SPOCK1: variants seen among roughly 807,000 people sequenced by gnomAD.
The protein encoded by SPOCK1 is SPARC (osteonectin), cwcv and kazal like domains proteoglycan 1.
In SPOCK1, 23 loss-of-function variants were observed where a neutral mutation model predicts 55.3. That is an observed-to-expected ratio of 0.42 (90% confidence interval 0.30 to 0.59). The LOEUF (loss-of-function observed/expected upper bound fraction) is 0.59. Among genes scored for constraint, SPOCK1 ranks in the 20% least tolerant of loss-of-function variants. The probability of loss-of-function intolerance (pLI) is 0.22; values close to 1 mark genes in which losing one functional copy is unlikely to be tolerated. For synonymous variants in SPOCK1, 226 were observed against 221.0 expected, an observed-to-expected ratio of 1.02 and a Z score of -0.20; for missense variants, 499 against 552.5, an observed-to-expected ratio of 0.90 and a Z score of 0.97.
At chr5:137,442,947 C>G (rs777760003) in intron 2 of SPOCK1, among the ~76,000 whole-genome samples, 3 of 152,166 alleles carry the variant, frequency 2.0e-5, no homozygotes, top group Non-Finnish European at 4.4e-5. Flanking sequence ...CAGTGGGCCT[C>G]CCTCTCATTG....
At chr5:137,482,102 T>C (rs1753962764) in intron 2 of SPOCK1, among the ~76,000 whole-genome samples, 1 of 152,004 alleles carries the variant, frequency 6.6e-6, no homozygotes, top group African/African-American at 2.4e-5. Context: ...TTGGGAGGAT[T>C]TGAGGAGGGA....
At position 137,256,374 on chromosome 5, in the gene SPOCK1, G is replaced by A. The variant is rs116222363; in HGVS notation, c.232+10636C>T. Among the ~76,000 whole-genome samples, 521 of 152,306 alleles carry A rather than the reference G, an allele frequency of 3.4e-3. 3 individuals carry two copies. Among genetic ancestry groups the A allele is most frequent in the African/African-American group, 0.012 (498 of 41,572 alleles). On this transcript the variant is annotated intron_variant, in intron 3 of 10. Coordinates refer to ENST00000394945, the MANE Select transcript of SPOCK1 (RefSeq NM_004598.4). ...TAGACTGGGTAATTTATAACAAACA[G>A]AAATGTATTTGGCTTATGGTTCTGG...
chr5:137,272,743 C>A (rs1165084523), intron 2 of SPOCK1, among the ~76,000 whole-genome samples: 1 of 97,880 alleles, frequency 1.0e-5, no homozygotes, highest in East Asian at 3.4e-4. Context: ...CACCCCCCCA[C>A]CCCCCAACAC....
chr5:137,017,827 G>A (rs562715938), intron 6 of SPOCK1, among the ~76,000 whole-genome samples: 2 of 152,228 alleles, frequency 1.3e-5, no homozygotes, highest in Admixed American at 6.5e-5. Context: ...TTCTAAAATC[G>A]AGTATAAAAA....
chr5:137,023,776 C>G (rs79894132), intron 6 of SPOCK1, among the ~76,000 whole-genome samples: 87 of 152,162 alleles, frequency 5.7e-4, no homozygotes, highest in Non-Finnish European at 9.6e-4. Context: ...CCTTTATGCT[C>G]TCACAGAAAT....
chr5:137,367,963 C>T (rs1751112245), intron 2 of SPOCK1, among the ~76,000 whole-genome samples: 1 of 152,214 alleles, frequency 6.6e-6, no homozygotes, highest in South Asian at 2.1e-4. Context: ...AGCCCATATG[C>T]TCTCCACACC....
chr5:137,135,677 G>A (rs1394940498), intron 4 of SPOCK1, among the ~76,000 whole-genome samples: 1 of 152,176 alleles, frequency 6.6e-6, no homozygotes, highest in Non-Finnish European at 1.5e-5. Flanking sequence ...CCTGCTTTCT[G>A]TCATCACAGA....
At chr5:137,128,610 C>G (rs1317767463) in intron 4 of SPOCK1, among the ~76,000 whole-genome samples, 1 of 152,206 alleles carries the variant, frequency 6.6e-6, no homozygotes, top group Non-Finnish European at 1.5e-5. Flanking sequence ...GGCAGAGTGG[C>G]TCTTACACAG....
intron 2 of SPOCK1, among the ~76,000 whole-genome samples, chr5:137,484,047 G>A (rs1282426195): frequency 6.6e-6 from 1 of 152,158 alleles, no homozygotes; most frequent in Non-Finnish European, 1.5e-5. Context: ...CCCAAGCCTT[G>A]TCTGTATTCG....
chr5:137,220,833 C>T (rs116078769), intron 3 of SPOCK1, among the ~76,000 whole-genome samples: 237 of 152,272 alleles, frequency 1.6e-3, no homozygotes, highest in Admixed American at 2.4e-3. Context: ...CAGCCTTTCT[C>T]GGGCACACAC....
At chr5:137,351,515 C>T (rs1404090903) in intron 2 of SPOCK1, among the ~76,000 whole-genome samples, 1 of 152,172 alleles carries the variant, frequency 6.6e-6, no homozygotes, top group Non-Finnish European at 1.5e-5. Flanking sequence ...AGACAGAACC[C>T]AAGGAGTATT....
chr5:137,143,565 T>C (rs959121155), intron 3 of SPOCK1, among the ~76,000 whole-genome samples: 1 of 152,194 alleles, frequency 6.6e-6, no homozygotes, highest in Non-Finnish European at 1.5e-5. Flanking sequence ...TAACAGCACC[T>C]GCTATTGCTT....
chr5:137,419,074 T>C (rs1192186362), intron 2 of SPOCK1, among the ~76,000 whole-genome samples: 2 of 152,262 alleles, frequency 1.3e-5, no homozygotes, highest in South Asian at 2.1e-4. Flanking sequence ...TCCCCATTGC[T>C]TGTTTTTGTC....
chr5:137,212,524 C>A (rs1279876371), intron 3 of SPOCK1, among the ~76,000 whole-genome samples: 1 of 152,150 alleles, frequency 6.6e-6, no homozygotes, highest in African/African-American at 2.4e-5. Context: ...ATGTGTCAGG[C>A]ACTGTGGATT....
intron 2 of SPOCK1, among the ~76,000 whole-genome samples, chr5:137,305,913 C>A (rs1164912816): frequency 2.0e-5 from 3 of 152,212 alleles, no homozygotes; most frequent in Admixed American, 1.3e-4. Context: ...AAAGTAAGAT[C>A]TTTTAACAAC....
intron 2 of SPOCK1, among the ~76,000 whole-genome samples, chr5:137,372,502 C>T (rs1313704914): frequency 6.6e-6 from 1 of 152,166 alleles, no homozygotes; most frequent in East Asian, 1.9e-4. Context: ...CTAAAAACGA[C>T]CCCAGGGTAA....
intron 2 of SPOCK1, among the ~76,000 whole-genome samples, chr5:137,381,031 T>G (rs1332576809): frequency 6.6e-6 from 1 of 151,486 alleles, no homozygotes; most frequent in Non-Finnish European, 1.5e-5. Context: ...ATAATGGGAG[T>G]ACAGGCATTG....
chr5:137,269,928 C>A (rs1280338110), intron 2 of SPOCK1, among the ~76,000 whole-genome samples: 6 of 152,094 alleles, frequency 3.9e-5, no homozygotes, highest in Non-Finnish European at 8.8e-5. Context: ...AAAAAAAAAT[C>A]TTATTTTCTA....
intron 2 of SPOCK1, among the ~76,000 whole-genome samples, chr5:137,373,874 C>A (rs773602754): frequency 3.9e-5 from 6 of 152,172 alleles, no homozygotes; most frequent in Non-Finnish European, 8.8e-5. Flanking sequence ...GCCCCAAATT[C>A]TTCTTCTTTA....
Sources: allele counts gnomAD v4.1 joint callset (sites outside exome capture counted in the v4.1 genomes callset), GRCh38; gene constraint gnomAD v4.1.1; transcripts MANE v1.5; gene names NCBI Gene and HGNC (gene_info 2026-07-23, HGNC 2026-07-21).